PAPLN: variants seen among roughly 807,000 people sequenced by gnomAD.
The protein encoded by PAPLN is papilin, proteoglycan like sulfated glycoprotein.
Under a neutral mutation model 159.0 loss-of-function variants are expected in PAPLN, and 146 were observed. The ratio of observed to expected loss-of-function variants is 0.92; its 90% CI spans 0.80 to 1.05. The LOEUF is 1.05. PAPLN is among the 50% of genes least tolerant of loss of function. PAPLN has a pLI of 0.00. For synonymous variants in PAPLN, 734 were observed against 702.9 expected (o/e 1.04, Z -0.70); for missense variants, 1,720 against 1,743.9 (o/e 0.99, Z 0.24).
intron 14 of PAPLN, among the ~76,000 whole-genome samples, chr14:73,256,229 A>T (rs1233870481): frequency 2.0e-5 from 3 of 152,322 alleles, no homozygotes; most frequent in African/African-American, 7.2e-5. Flanking sequence ...CAGGACCCAT[A>T]TAGAAAGGAA....
At chr14:73,267,423 C>A (rs1307081753) in intron 25 of PAPLN, among the ~76,000 whole-genome samples, 1 of 152,208 alleles carries the variant, frequency 6.6e-6, no homozygotes, top group African/African-American at 2.4e-5. Flanking sequence ...CCAGAGTACT[C>A]CCGGGCAGAT....
At position 73,252,795 on chromosome 14, in the gene PAPLN, T is replaced by C; in HGVS notation, c.1094+20T>C. 1 of 1,612,462 alleles carries C rather than the reference T, an allele frequency of 6.2e-7. No homozygotes were observed. Among genetic ancestry groups the C allele is most frequent in the Non-Finnish European group, 8.5e-7 (1 of 1,179,756 alleles). On this transcript the variant is annotated intron_variant, in intron 11 of 26. Transcript: ENST00000644200. ...CAAGCGGTGAGACCTTGCCAGCCCCTCTACCCATGATGAGGCCCAAGAACT... is the reference window on the plus strand; with the variant it reads ...CAAGCGGTGAGACCTTGCCAGCCCCCCTACCCATGATGAGGCCCAAGAACT...
rs1190518563 is a variant in PAPLN, at chr14:73,253,766, G to A, written c.1107G>A (p.Gly369=). 6.3e-7 allele frequency: 1 copy of A among 1,598,966 alleles called. No homozygotes were observed. Among genetic ancestry groups the A allele is most frequent in the South Asian group, 1.1e-5 (1 of 90,162 alleles). The change falls in exon 12 of 27, where the codon GGG becomes GGA. Residue 369 remains glycine, a synonymous_variant. Transcript: ENST00000644200. Reference sequence around the variant, plus strand: ...CCCCTCCTGCCAGCTGGAAGGCAGGGCCATGGGCACCCTGCTCAGCCTCCT... The same window carrying A: ...CCCCTCCTGCCAGCTGGAAGGCAGGACCATGGGCACCCTGCTCAGCCTCCT... The part of the protein sequence containing the change: ...PCPETKRWKA[G]PWAPCSASCG...
chr14:73,273,810 A>C lies in PAPLN; in HGVS notation c.*1146A>C, dbSNP rs909121350. 7.2e-5 allele frequency: 11 copies of C among 152,262 alleles called. No individual in the cohort carries two copies. Among genetic ancestry groups the C allele is most frequent in the Non-Finnish European group, 1.2e-4 (8 of 68,062 alleles). 9.4% of individuals were successfully genotyped at this position (152,262 alleles called of 1,614,324 possible). On this transcript the variant is annotated 3_prime_UTR_variant, in exon 27 of 27. Transcript: ENST00000644200. ...CATCAGTCAGCTCTAAATCTGGTGC[A>C]GAGGGTTAACAGCATAACCCTTGTT...
Position 73,252,049 on chromosome 14 carries a change from A to G in PAPLN, c.875A>G (p.His292Arg). The G allele has an allele frequency of 3.1e-6, 5 of 1,612,512 alleles. No homozygotes were observed. The highest frequency in any genetic ancestry group is 4.2e-6 in the Non-Finnish European group (5 of 1,179,612). Residue 292 changes from histidine to arginine, a missense_variant, in exon 10 of 27, where the codon CAC (histidine) becomes CGC (arginine). His to Arg is a conservative substitution (Grantham distance 29). Coordinates refer to ENST00000644200, the MANE Select transcript of PAPLN (RefSeq NM_001365906.3). ...LISQEPNPGV[H>R]YEYHLPLRRP... is the part of the protein sequence containing the mutation. ...AGCCAGGAGCCCAACCCCGGTGTGCACTATGAGTACCACCTGCCCCTGCGC... is the reference window on the plus strand; with the variant it reads ...AGCCAGGAGCCCAACCCCGGTGTGCGCTATGAGTACCACCTGCCCCTGCGC...
chr14:73,250,164 G>A, intron 6 of PAPLN, 50 bp downstream of exon 6: 1 of 1,531,510 alleles, frequency 6.5e-7, no homozygotes, highest in Non-Finnish European at 8.8e-7. Flanking sequence ...TGGGGGCTCA[G>A]TGCGGGTGTT....
intron 2 of PAPLN, among the ~76,000 whole-genome samples, chr14:73,241,655 G>A (rs1883552707): frequency 1.3e-5 from 2 of 152,248 alleles, no homozygotes; most frequent in African/African-American, 4.8e-5. Flanking sequence ...TGAGTCTGCA[G>A]GGGGTGTGGC....
intron 25 of PAPLN, 152 bp from the exon 26 acceptor site, chr14:73,268,405 T>C (rs1014694337): frequency 5.3e-6 from 4 of 748,400 alleles, no homozygotes; most frequent in Admixed American, 3.0e-5. Flanking sequence ...CCTAGAAACC[T>C]TGGTCATTCT....
chr14:73,257,046 A>T (rs1885989989), intron 14 of PAPLN, among the ~76,000 whole-genome samples: 1 of 152,176 alleles, frequency 6.6e-6, no homozygotes, highest in African/African-American at 2.4e-5. Flanking sequence ...ATTATAGATC[A>T]CTGCAGCCTC....
rs1887965740 is a variant in PAPLN at position 73,274,190 on chromosome 14, G to A, written c.*1526G>A. ...AAGGGTTGTGGGCAATGCAGTAACAGGGAAATGGCTTCAGAAATGGTTTGA... is the reference window on the plus strand; with the variant it reads ...AAGGGTTGTGGGCAATGCAGTAACAAGGAAATGGCTTCAGAAATGGTTTGA... On this transcript the variant is annotated 3_prime_UTR_variant, in exon 27 of 27. Coordinates refer to ENST00000644200, the MANE Select transcript of PAPLN (RefSeq NM_001365906.3). The A allele has an allele frequency of 6.6e-6, 1 of 152,286 alleles. No individual in the cohort carries two copies. Among genetic ancestry groups the A allele is most frequent in the Non-Finnish European group, 1.5e-5 (1 of 68,058 alleles). 9.4% of individuals were successfully genotyped at this position (152,286 alleles called of 1,614,324 possible). A position where few individuals can be genotyped will look rare whatever the true frequency, so the allele number is the denominator to read the frequency against.
intron 1 of PAPLN, 50 bp from the exon 2 acceptor site, chr14:73,239,723 G>A (rs1429003183): frequency 1.3e-6 from 2 of 1,536,796 alleles, no homozygotes; most frequent in Admixed American, 2.0e-5. Context: ...CCCGCGCCCA[G>A]GACAGCTGCG....
Position 73,251,525 on chromosome 14 carries a change from G to T in PAPLN, c.629G>T (p.Ser210Ile). The change falls in exon 8 of 27, where the codon AGC becomes ATC. Residue 210 changes from serine (S) to isoleucine (I), a missense_variant. Transcript: ENST00000644200. ...QILIVPMGATSILIDEAAASR... is the reference protein window; with the variant it reads ...QILIVPMGATIILIDEAAASR... ...CTCATAGTTCCCATGGGTGCCACCA[G>T]CATCCTCATCGACGAGGCTGCTGCC... is the stretch of plus-strand genomic sequence containing the variant. The T allele has an allele frequency of 6.2e-7, 1 of 1,611,362 alleles. No individual in the cohort carries two copies.
intron 11 of PAPLN, chr14:73,253,093 A>G: frequency 4.3e-6 from 6 of 1,393,730 alleles, no homozygotes; most frequent in Non-Finnish European, 4.8e-6. Flanking sequence ...GGCAGATGCC[A>G]AGGGGTGGGC....
chr14:73,266,697 T>C, intron 24 of PAPLN, 26 bp from the exon 25 acceptor site: 1 of 1,614,150 alleles, frequency 6.2e-7, no homozygotes, highest in Non-Finnish European at 8.5e-7. Flanking sequence ...TCATAGTGGC[T>C]GACAATGACT....
intron 2 of PAPLN, among the ~76,000 whole-genome samples, chr14:73,241,964 G>C (rs1009614142): frequency 3.9e-5 from 6 of 152,248 alleles, no homozygotes; most frequent in African/African-American, 1.4e-4. Context: ...AGGCATGGGT[G>C]GGGCGCCTAG....
intron 17 of PAPLN, 42 bp downstream of exon 17, chr14:73,260,871 G>A (rs376251525): frequency 2.2e-5 from 33 of 1,487,372 alleles, no homozygotes; most frequent in South Asian, 1.9e-4. Flanking sequence ...GGGCCAGCCC[G>A]TGAGCCTGCT....
intron 14 of PAPLN, among the ~76,000 whole-genome samples, chr14:73,256,548 A>G (rs916262722): frequency 1.1e-4 from 16 of 151,542 alleles, no homozygotes; most frequent in South Asian, 6.3e-4. Flanking sequence ...AAAAAAAAAA[A>G]AAAGAAATAG....
intron 10 of PAPLN, 150 bp from the exon 11 acceptor site, chr14:73,252,499 T>C: frequency 2.8e-6 from 3 of 1,053,672 alleles, no homozygotes; most frequent in Non-Finnish European, 4.0e-6. Flanking sequence ...CATCTGCCAA[T>C]TGGAGATGTG....
At chr14:73,248,095 G>C (rs112402575) in intron 5 of PAPLN, among the ~76,000 whole-genome samples, 1 of 122,318 alleles carries the variant, frequency 8.2e-6, no homozygotes, top group South Asian at 3.1e-4. Flanking sequence ...GTGTGTGTGT[G>C]TGTGTGTGTG....
Sources: gnomAD v4.1 joint callset for allele counts (sites outside exome capture counted in the v4.1 genomes callset) on GRCh38, gnomAD v4.1.1 for gene constraint, MANE v1.5 for transcripts, NCBI Gene and HGNC (gene_info 2026-07-23, HGNC 2026-07-21) for gene names.